GALNTL6: variants seen among roughly 807,000 people sequenced by gnomAD.
GALNTL6 encodes the protein polypeptide N-acetylgalactosaminyltransferase-like 6.
A neutral mutation model predicts 73.7 loss-of-function variants in GALNTL6; 46 were observed. The ratio of observed to expected loss-of-function variants is 0.62; its 90% CI spans 0.49 to 0.80. The LOEUF (loss-of-function observed/expected upper bound fraction) is 0.80. Among genes scored for constraint, GALNTL6 ranks in the 30% least tolerant of loss-of-function variants. The probability of loss-of-function intolerance (pLI) is 0.00; values close to 1 mark genes in which losing one functional copy is unlikely to be tolerated. For synonymous variants in GALNTL6, 259 were observed against 263.7 expected (o/e 0.98, Z 0.17); for missense variants, 604 against 755.0 (o/e 0.80, Z 2.34).
chr4:172,038,072 C>G (rs774600412), intron 2 of GALNTL6, among the ~76,000 whole-genome samples: 1 of 151,402 alleles, frequency 6.6e-6, no homozygotes, highest in Non-Finnish European at 1.5e-5. Flanking sequence ...GAGCCGAGAT[C>G]GTGCCATTGC....
chr4:172,455,203 C>T (rs1732349310), intron 5 of GALNTL6, among the ~76,000 whole-genome samples: 1 of 152,208 alleles, frequency 6.6e-6, no homozygotes, highest in Admixed American at 6.5e-5. Flanking sequence ...TTCTGATGGT[C>T]TTAGCAACCC....
rs185706977 is a variant in GALNTL6 at position 172,948,399 on chromosome 4, G to T, written c.1150-3638G>T. Reference sequence around the variant, plus strand: ...TGATCCAACTGCTTGCTTTGGAGTGGTTTTTTTGAGGGGGGCTTTTTTGGT... The same window carrying T: ...TGATCCAACTGCTTGCTTTGGAGTGTTTTTTTTGAGGGGGGCTTTTTTGGT... On this transcript the variant is annotated intron_variant, in intron 9 of 12. Transcript: ENST00000506823. Among the ~76,000 whole-genome samples, 796 of 152,044 alleles carry T rather than the reference G, an allele frequency of 5.2e-3. 4 individuals are homozygous for T. The highest frequency in any genetic ancestry group is 0.018 in the African/African-American group (757 of 41,488).
intron 5 of GALNTL6, among the ~76,000 whole-genome samples, chr4:172,721,014 A>G (rs535827386): frequency 6.6e-6 from 1 of 152,322 alleles, no homozygotes; most frequent in Admixed American, 6.5e-5. Context: ...TGGCAGAAGA[A>G]AATATTAAGT....
intron 8 of GALNTL6, among the ~76,000 whole-genome samples, chr4:172,916,129 G>A (rs531323527): frequency 8.0e-4 from 122 of 152,278 alleles, no homozygotes; most frequent in Non-Finnish European, 1.5e-3. Context: ...CATATAAACA[G>A]AACCAAAGAC....
At chr4:172,737,899 G>T (rs1037121616) in intron 5 of GALNTL6, among the ~76,000 whole-genome samples, 6 of 152,154 alleles carry the variant, frequency 3.9e-5, no homozygotes, top group Admixed American at 6.5e-5. Context: ...GGTCCCAAAA[G>T]TATTATTCTG....
chr4:172,738,931 G>C (rs907467269), intron 5 of GALNTL6, among the ~76,000 whole-genome samples: 1 of 152,152 alleles, frequency 6.6e-6, no homozygotes, highest in African/African-American at 2.4e-5. Flanking sequence ...ATAAATGTCT[G>C]GGTTATGATA....
rs569726462 is a variant in GALNTL6, at chr4:172,298,040, T to C, written c.248-13574T>C. On this transcript the variant is annotated intron_variant, in intron 3 of 12. Coordinates refer to ENST00000506823, the MANE Select transcript of GALNTL6 (RefSeq NM_001034845.3). ...TCTTTTATTTCATTGAGCAGTGGGTTTGTAGTTCTCCTTGAAGAGGTCCTT... is the reference window on the plus strand; with the variant it reads ...TCTTTTATTTCATTGAGCAGTGGGTCTGTAGTTCTCCTTGAAGAGGTCCTT... Among the ~76,000 whole-genome samples, 15 of 152,308 alleles carry C rather than the reference T, an allele frequency of 9.8e-5. No individual in the cohort carries two copies. In the South Asian group the frequency reaches 3.1e-3, roughly 32 times the overall value.
intron 2 of GALNTL6, among the ~76,000 whole-genome samples, chr4:172,048,574 G>A (rs1742282425): frequency 6.6e-6 from 1 of 152,052 alleles, no homozygotes; most frequent in Admixed American, 6.6e-5. Flanking sequence ...CATTTCCCAT[G>A]AACTTGGATG....
chr4:172,327,762 C>A (rs1176152974), intron 4 of GALNTL6, among the ~76,000 whole-genome samples: 1 of 151,874 alleles, frequency 6.6e-6, no homozygotes, highest in Non-Finnish European at 1.5e-5. Flanking sequence ...TCCTCCATTT[C>A]TTTATTTTGA....
At chr4:172,623,753 G>A (rs1225602205) in intron 5 of GALNTL6, among the ~76,000 whole-genome samples, 3 of 152,078 alleles carry the variant, frequency 2.0e-5, no homozygotes, top group African/African-American at 7.2e-5. Context: ...CATTCAGATA[G>A]CCTTTTTATT....
chr4:172,963,779 G>A (rs1378642834), intron 10 of GALNTL6, among the ~76,000 whole-genome samples: 18 of 152,226 alleles, frequency 1.2e-4, no homozygotes, highest in Non-Finnish European at 2.9e-5. Context: ...CTCATGAACA[G>A]TCGGGTCTGT....
rs373336862 is a variant in GALNTL6, at chr4:172,740,406, G to T, written c.554-68955G>T. Among the ~76,000 whole-genome samples, 25 of 152,260 alleles carry T rather than the reference G, an allele frequency of 1.6e-4. 1 individual carries two copies. In the South Asian group the frequency reaches 5.2e-3, roughly 32 times the overall value. ...TGCCTTCACTTTGTGAAAAGTCATCGTGTTGTTCACAGTCTATCCTCATTA... is the reference window on the plus strand; with the variant it reads ...TGCCTTCACTTTGTGAAAAGTCATCTTGTTGTTCACAGTCTATCCTCATTA... On this transcript the variant is annotated intron_variant, in intron 5 of 12. Coordinates refer to ENST00000506823, the MANE Select transcript of GALNTL6 (RefSeq NM_001034845.3).
At chr4:172,314,585 A>G (rs1042170299) in intron 4 of GALNTL6, among the ~76,000 whole-genome samples, 1 of 146,668 alleles carries the variant, frequency 6.8e-6, no homozygotes, top group African/African-American at 2.5e-5. Context: ...TATTTCAGAA[A>G]TCCTAATGCG....
chr4:172,408,684 T>A (rs1744322608), intron 5 of GALNTL6, among the ~76,000 whole-genome samples: 1 of 152,010 alleles, frequency 6.6e-6, no homozygotes, highest in Non-Finnish European at 1.5e-5. Context: ...TTTGTTGAAT[T>A]AAACTGATGT....
intron 3 of GALNTL6, among the ~76,000 whole-genome samples, chr4:172,310,068 A>G (rs552109039): frequency 1.7e-3 from 254 of 152,172 alleles, no homozygotes; most frequent in Non-Finnish European, 3.0e-3. Flanking sequence ...TTCATACAGA[A>G]AAATAAACAT....
intron 2 of GALNTL6, among the ~76,000 whole-genome samples, chr4:171,943,369 C>T (rs1333290166): frequency 6.6e-6 from 1 of 152,124 alleles, no homozygotes; most frequent in Non-Finnish European, 1.5e-5. Flanking sequence ...AATTTTCATG[C>T]ATTTATTGAC....
At chr4:172,988,184 A>G (rs182049094) in intron 10 of GALNTL6, among the ~76,000 whole-genome samples, 9 of 152,308 alleles carry the variant, frequency 5.9e-5, no homozygotes, top group African/African-American at 2.4e-5. Context: ...CAATAGTAAT[A>G]TGGACAATGA....
intron 2 of GALNTL6, among the ~76,000 whole-genome samples, chr4:172,123,137 T>TA (rs1733197331): frequency 6.6e-6 from 1 of 152,230 alleles, no homozygotes; most frequent in Non-Finnish European, 1.5e-5. Context: ...TGACAATTTT[T>TA]ATTCACTGAC....
intron 5 of GALNTL6, among the ~76,000 whole-genome samples, chr4:172,417,234 A>G (rs1000386648): frequency 6.6e-6 from 1 of 151,676 alleles, no homozygotes; most frequent in African/African-American, 2.4e-5. Flanking sequence ...ATTTTTTTTA[A>G]TGTAGCTGTT....
Sources: gnomAD v4.1 joint callset for allele counts (sites outside exome capture counted in the v4.1 genomes callset) on GRCh38, gnomAD v4.1.1 for gene constraint, MANE v1.5 for transcripts, NCBI Gene and HGNC (gene_info 2026-07-23, HGNC 2026-07-21) for gene names.